Variants in ALX4 observed in about 807,000 individuals in gnomAD.
ALX4 encodes homeobox protein aristaless-like 4.
A neutral mutation model predicts 40.6 loss-of-function variants in ALX4; 22 were observed. That is an observed-to-expected ratio of 0.54 (90% CI 0.39 to 0.77). ALX4 has a LOEUF of 0.77. Among genes scored for constraint, ALX4 ranks in the 30% least tolerant of loss-of-function variants. The pLI is 0.00. For missense variants in ALX4, 556 were observed against 564.8 expected (o/e 0.98, Z 0.16); for synonymous variants, 266 against 240.5 (o/e 1.11, Z -0.98).
chr11:44,271,167 G>A (rs1264240633), intron 2 of ALX4, among the ~76,000 whole-genome samples: 7 of 152,060 alleles, frequency 4.6e-5, no homozygotes, highest in Non-Finnish European at 8.8e-5. Flanking sequence ...ACCCCCCCAG[G>A]GCACTGCCAG....
At chr11:44,292,373 T>C (rs1350105101) in intron 1 of ALX4, among the ~76,000 whole-genome samples, 2 of 13,010 alleles carry the variant, frequency 1.5e-4, no homozygotes, top group East Asian at 6.6e-4. Context: ...AGCTGGCTAA[T>C]TAAATTTTTT....
intron 1 of ALX4, among the ~76,000 whole-genome samples, chr11:44,284,867 T>C (rs1019582178): frequency 1.1e-4 from 16 of 152,010 alleles, no homozygotes; most frequent in African/African-American, 3.6e-4. Context: ...ATATGGAAGA[T>C]TAAAAAAAAA....
intron 1 of ALX4, among the ~76,000 whole-genome samples, chr11:44,279,920 G>A (rs1956299164): frequency 6.6e-6 from 1 of 151,946 alleles, no homozygotes; most frequent in Non-Finnish European, 1.5e-5. Flanking sequence ...AGGTTGCTGA[G>A]GAATAAATGA....
intron 1 of ALX4, among the ~76,000 whole-genome samples, chr11:44,287,078 A>G (rs2119840902): frequency 6.6e-6 from 1 of 152,290 alleles, no homozygotes; most frequent in East Asian, 1.9e-4. Flanking sequence ...ACTTGTTACC[A>G]GCTTCCCCGT....
At chr11:44,296,132 G>C (rs560578145) in intron 1 of ALX4, among the ~76,000 whole-genome samples, 2 of 152,310 alleles carry the variant, frequency 1.3e-5, no homozygotes, top group South Asian at 2.1e-4. Flanking sequence ...AAATGCAACA[G>C]AATAGAGACC....
chr11:44,297,941 C>T (rs1217384573), intron 1 of ALX4, among the ~76,000 whole-genome samples: 3 of 152,138 alleles, frequency 2.0e-5, no homozygotes, highest in African/African-American at 7.2e-5. Context: ...AGGTCCACTT[C>T]GAATGTCCAT....
intron 2 of ALX4, among the ~76,000 whole-genome samples, chr11:44,271,578 A>T (rs1956247652): frequency 6.6e-6 from 1 of 152,202 alleles, no homozygotes; most frequent in Non-Finnish European, 1.5e-5. Flanking sequence ...CATGAACCTT[A>T]GCCTAAATTT....
At chr11:44,282,417 T>C (rs1956315178) in intron 1 of ALX4, among the ~76,000 whole-genome samples, 1 of 152,188 alleles carries the variant, frequency 6.6e-6, no homozygotes, top group African/African-American at 2.4e-5. Context: ...CGGTGTCTTA[T>C]CTAGTTAAAC....
chr11:44,289,404 A>G (rs1387302950), intron 1 of ALX4, among the ~76,000 whole-genome samples: 2 of 152,106 alleles, frequency 1.3e-5, no homozygotes, highest in East Asian at 1.9e-4. Context: ...CCCACCCACT[A>G]TCTCCTCTGA....
At chr11:44,305,074 T>A (rs1193047544) in intron 1 of ALX4, among the ~76,000 whole-genome samples, 1 of 152,186 alleles carries the variant, frequency 6.6e-6, no homozygotes, top group African/African-American at 2.4e-5. Flanking sequence ...TTAAAACAAC[T>A]TACAAAAAAT....
intron 1 of ALX4, among the ~76,000 whole-genome samples, chr11:44,277,294 A>G (rs928525902): frequency 2.6e-5 from 4 of 152,234 alleles, no homozygotes; most frequent in Non-Finnish European, 4.4e-5. Context: ...GCCCTTGGGC[A>G]CAGGAGCATG....
intron 1 of ALX4, among the ~76,000 whole-genome samples, chr11:44,307,506 G>A (rs893978920): frequency 6.6e-6 from 1 of 152,234 alleles, no homozygotes; most frequent in Non-Finnish European, 1.5e-5. Flanking sequence ...CAAGAGGTGG[G>A]GAGCTCCTTA....
At chr11:44,282,817 T>G (rs1956317081) in intron 1 of ALX4, among the ~76,000 whole-genome samples, 1 of 152,042 alleles carries the variant, frequency 6.6e-6, no homozygotes, top group African/African-American at 2.4e-5. Context: ...GGTTGCCAGG[T>G]GTAGGAGGAG....
At chr11:44,275,308 T>C in intron 2 of ALX4, 40 bp downstream of exon 2, 2 of 1,610,802 alleles carry the variant, frequency 1.2e-6, no homozygotes, top group South Asian at 1.1e-5. Context: ...AGGGACAGGC[T>C]CTGCTTTACC....
At chr11:44,291,414 C>CTTTTTTT (rs5791616) in intron 1 of ALX4, among the ~76,000 whole-genome samples, 1 of 149,226 alleles carries the variant, frequency 6.7e-6, no homozygotes, top group Non-Finnish European at 1.5e-5. Context: ...TTCTTTCTTT[C>CTTTTTTT]TTTCTTTTTT....
chr11:44,273,176 G>A (rs1956258882), intron 2 of ALX4, among the ~76,000 whole-genome samples: 1 of 139,566 alleles, frequency 7.2e-6, no homozygotes, highest in South Asian at 2.4e-4. Context: ...TGAGCTGCAT[G>A]GCGCTTTGCT....
intron 1 of ALX4, among the ~76,000 whole-genome samples, chr11:44,282,582 C>T (rs910239232): frequency 6.6e-6 from 1 of 152,202 alleles, no homozygotes; most frequent in Non-Finnish European, 1.5e-5. Context: ...CCCCAAGTGT[C>T]CTTTGACAGG....
At chr11:44,287,022 G>C (rs1956342306) in intron 1 of ALX4, among the ~76,000 whole-genome samples, 1 of 152,108 alleles carries the variant, frequency 6.6e-6, no homozygotes, top group Non-Finnish European at 1.5e-5. Context: ...AAGCTCCCTA[G>C]GACACCCCTG....
At chr11:44,290,994 G>T (rs999340757) in intron 1 of ALX4, among the ~76,000 whole-genome samples, 9 of 152,194 alleles carry the variant, frequency 5.9e-5, no homozygotes, top group Non-Finnish European at 1.0e-4. Context: ...TGCTCAGCCT[G>T]CAACTGTGTC....
Sources: gnomAD v4.1 joint callset for allele counts (sites outside exome capture counted in the v4.1 genomes callset) on GRCh38, gnomAD v4.1.1 for gene constraint, MANE v1.5 for transcripts, NCBI Gene and HGNC (gene_info 2026-07-23, HGNC 2026-07-21) for gene names.